NTM: variants seen among roughly 807,000 people sequenced by gnomAD.
The protein encoded by NTM is neurotrimin.
Under a neutral mutation model 42.1 loss-of-function variants are expected in NTM, and 13 were observed. The observed-to-expected ratio is 0.31, with a 90% CI of 0.20 to 0.49. The LOEUF is 0.49. Ranked by LOEUF, NTM falls within the 20% of genes least tolerant of loss-of-function variation. The pLI is 0.99. For synonymous variants in NTM, 187 were observed against 179.2 expected (o/e 1.04, Z -0.35); for missense variants, 373 against 452.8 (o/e 0.82, Z 1.60).
At chr11:131,935,963 G>T (rs1281096548) in intron 2 of NTM, among the ~76,000 whole-genome samples, 1 of 151,968 alleles carries the variant, frequency 6.6e-6, no homozygotes, top group Non-Finnish European at 1.5e-5. Flanking sequence ...ATTTTGCTCA[G>T]TTATTGCAAT....
At chr11:132,091,010 C>G (rs1790178) in intron 2 of NTM, among the ~76,000 whole-genome samples, 1 of 152,138 alleles carries the variant, frequency 6.6e-6, no homozygotes, top group Non-Finnish European at 1.5e-5. Flanking sequence ...CCATTCCACA[C>G]AAGCCTTTAC....
At chr11:131,896,449 T>C (rs938963997) in intron 1 of NTM, among the ~76,000 whole-genome samples, 4 of 152,170 alleles carry the variant, frequency 2.6e-5, no homozygotes, top group Non-Finnish European at 5.9e-5. Context: ...TAAGCAACAG[T>C]AGAGACCTGC....
chr11:132,317,501 G>A lies in NTM; in HGVS notation c.934+2798G>A, dbSNP rs367831490. Among the ~76,000 whole-genome samples, 275 of 151,866 alleles carry A rather than the reference G, an allele frequency of 1.8e-3. 1 individual carries two copies. Among genetic ancestry groups the A allele is most frequent in the African/African-American group, 6.4e-3 (264 of 41,326 alleles). ...TTTCTCTTGCCGCACCTTGTCCTACGCCTTTGGTTTCTGTCTTCCTTTTTT... is the reference window on the plus strand; with the variant it reads ...TTTCTCTTGCCGCACCTTGTCCTACACCTTTGGTTTCTGTCTTCCTTTTTT... On this transcript the variant is annotated intron_variant, in intron 7 of 8. Transcript: ENST00000683400.
At chr11:131,653,606 T>A (rs1050935619) in intron 1 of NTM, among the ~76,000 whole-genome samples, 98 of 152,192 alleles carry the variant, frequency 6.4e-4, no homozygotes, top group African/African-American at 2.2e-3. Context: ...AACTGTGAGA[T>A]GTTTAGCAGG....
rs1037899001 is a variant in NTM at position 131,551,679 on chromosome 11, A to G, written c.82+180791A>G. On this transcript the variant is annotated intron_variant, in intron 1 of 8. Coordinates refer to ENST00000683400, the MANE Select transcript of NTM (RefSeq NM_001352005.2). ...CAGGAGACTGCCCTGTTGATAAATC[A>G]CTTATCCACACGGGCTTTCTTCTGC... Among the ~76,000 whole-genome samples, 2 of 152,164 alleles carry G rather than the reference A, an allele frequency of 1.3e-5. 1 individual carries two copies. Among genetic ancestry groups the G allele is most frequent in the South Asian group, 4.1e-4 (2 of 4,828 alleles).
rs905694116 is a variant in NTM at position 131,765,799 on chromosome 11, A to T, written c.83-145765A>T. ...CAATCTAAAAAGAATTAATCTAAGT[A>T]GAGCGTTTACTTGGGCCAAGATCGA... On this transcript the variant is annotated intron_variant, in intron 1 of 8. Transcript: ENST00000683400. Among the ~76,000 whole-genome samples the T allele has an allele frequency of 1.1e-4, 16 of 152,350 alleles. No individual in the cohort carries two copies. In the East Asian group the frequency reaches 2.7e-3, roughly 26 times the overall value.
Position 131,973,789 on chromosome 11 carries a change from C to T in NTM, c.167+62141C>T, listed in dbSNP as rs181842417. Among the ~76,000 whole-genome samples, 243 of 152,250 alleles carry T rather than the reference C, an allele frequency of 1.6e-3. 2 individuals carry two copies. The highest frequency in any genetic ancestry group is 5.6e-3 in the African/African-American group (234 of 41,540). On this transcript the variant is annotated intron_variant, in intron 2 of 8. Transcript: ENST00000683400. ...CCGAGATTGCACCACTGCACTCTAC[C>T]CTGGGCGACAGAGTGAGACTCAGTC...
intron 2 of NTM, among the ~76,000 whole-genome samples, chr11:132,102,474 T>C (rs1353928430): frequency 2.0e-5 from 3 of 152,186 alleles, no homozygotes; most frequent in Non-Finnish European, 2.9e-5. Flanking sequence ...CTGTGCCATA[T>C]AACTGCACCA....
At chr11:132,116,979 T>C (rs927705574) in intron 2 of NTM, among the ~76,000 whole-genome samples, 7 of 152,198 alleles carry the variant, frequency 4.6e-5, no homozygotes, top group African/African-American at 1.7e-4. Context: ...GAGCTTCTTA[T>C]GCTAATATTT....
chr11:131,803,346 G>T (rs1030223413), intron 1 of NTM, among the ~76,000 whole-genome samples: 1 of 151,730 alleles, frequency 6.6e-6, no homozygotes, highest in African/African-American at 2.4e-5. Context: ...CTGTCGCCAG[G>T]CTGGAGTGCT....
chr11:131,761,624 T>C (rs1318536222), intron 1 of NTM, among the ~76,000 whole-genome samples: 1 of 151,866 alleles, frequency 6.6e-6, no homozygotes, highest in South Asian at 2.1e-4. Context: ...CTGACCAACA[T>C]AGAGAAACCC....
chr11:131,730,142 A>G (rs1186853570), intron 1 of NTM, among the ~76,000 whole-genome samples: 2 of 152,128 alleles, frequency 1.3e-5, no homozygotes, highest in East Asian at 3.9e-4. Context: ...GTGGGTGTAA[A>G]GTGGTATCTC....
At chr11:131,567,509 A>G (rs1311494709) in intron 1 of NTM, among the ~76,000 whole-genome samples, 4 of 152,068 alleles carry the variant, frequency 2.6e-5, no homozygotes, top group Admixed American at 2.6e-4. Flanking sequence ...CCAAAAATCT[A>G]GAGTCTGGCC....
chr11:131,577,439 C>T (rs2058037271), intron 1 of NTM, among the ~76,000 whole-genome samples: 2 of 152,160 alleles, frequency 1.3e-5, no homozygotes, highest in African/African-American at 4.8e-5. Context: ...ATTTTATTAA[C>T]AAAGTGAGTG....
intron 4 of NTM, among the ~76,000 whole-genome samples, chr11:132,256,570 C>T (rs2092485392): frequency 6.6e-6 from 1 of 152,064 alleles, no homozygotes; most frequent in African/African-American, 2.4e-5. Context: ...GGTCCTTTTT[C>T]CACCATGACA....
chr11:132,218,652 G>A (rs575188180), intron 4 of NTM, among the ~76,000 whole-genome samples: 15 of 152,216 alleles, frequency 9.9e-5, no homozygotes, highest in Non-Finnish European at 1.9e-4. Flanking sequence ...AGGAGTTTTC[G>A]CTCTGTTATT....
intron 2 of NTM, among the ~76,000 whole-genome samples, chr11:132,145,062 T>C (rs768305811): frequency 3.9e-5 from 6 of 152,214 alleles, no homozygotes; most frequent in Non-Finnish European, 8.8e-5. Flanking sequence ...GAGAATCCAA[T>C]AGAAGCCATC....
At chr11:131,381,840 T>A (rs1463503932) in intron 1 of NTM, among the ~76,000 whole-genome samples, 2 of 152,300 alleles carry the variant, frequency 1.3e-5, no homozygotes, top group East Asian at 3.9e-4. Flanking sequence ...CAGGTCTGAC[T>A]CTCAAAAATT....
intron 1 of NTM, among the ~76,000 whole-genome samples, chr11:131,760,790 A>G (rs2084044125): frequency 6.6e-6 from 1 of 152,140 alleles, no homozygotes; most frequent in Admixed American, 6.5e-5. Flanking sequence ...CGGGGTGACT[A>G]AAGAAACCTG....
Sources: gnomAD v4.1 joint callset for allele counts (sites outside exome capture counted in the v4.1 genomes callset) on GRCh38, gnomAD v4.1.1 for gene constraint, MANE v1.5 for transcripts, NCBI Gene and HGNC (gene_info 2026-07-23, HGNC 2026-07-21) for gene names.